Variants in ULK4 observed in about 807,000 individuals in gnomAD.
ULK4 encodes the protein unc-51 like kinase 4.
ULK4 carries 133 observed loss-of-function variants against 160.6 expected under a neutral mutation model. That is an observed-to-expected ratio of 0.83 (90% CI 0.72 to 0.96). The LOEUF (loss-of-function observed/expected upper bound fraction) is 0.96. Ranked by LOEUF, ULK4 falls within the 40% of genes least tolerant of loss-of-function variation. The pLI is 0.00. For missense variants in ULK4, 1,580 were observed against 1,499.5 expected (o/e 1.05, Z -0.89); for synonymous variants, 534 against 539.8 (o/e 0.99, Z 0.15).
At chr3:41,524,250 T>C (rs1484057778) in intron 32 of ULK4, among the ~76,000 whole-genome samples, 1 of 152,216 alleles carries the variant, frequency 6.6e-6, no homozygotes, top group Non-Finnish European at 1.5e-5. Flanking sequence ...GGGTGAACTG[T>C]GTGGTATGTG....
intron 35 of ULK4, among the ~76,000 whole-genome samples, chr3:41,346,208 T>C (rs551563101): frequency 5.4e-4 from 82 of 152,258 alleles, no homozygotes; most frequent in African/African-American, 1.7e-3. Flanking sequence ...TCAGTAAACA[T>C]TGACTGAGCG....
chr3:41,274,343 T>C (rs1000513997), intron 35 of ULK4, among the ~76,000 whole-genome samples: 3 of 152,218 alleles, frequency 2.0e-5, no homozygotes, highest in South Asian at 4.1e-4. Context: ...TGCATGTGCA[T>C]TGGTTTGCCA....
At chr3:41,916,141 A>G (rs1234632602) in intron 7 of ULK4, 89 bp from the exon 8 acceptor site, 3 of 812,728 alleles carry the variant, frequency 3.7e-6, no homozygotes, top group Non-Finnish European at 5.7e-6. Flanking sequence ...ATTTAAAGCA[A>G]TAGTATTTTA....
At chr3:41,760,054 A>G (rs1379006854) in intron 21 of ULK4, among the ~76,000 whole-genome samples, 3 of 152,194 alleles carry the variant, frequency 2.0e-5, no homozygotes, top group Non-Finnish European at 4.4e-5. Flanking sequence ...CTGACAGAAA[A>G]TATTTGTACC....
chr3:41,467,491 C>T (rs2083863991), intron 32 of ULK4, among the ~76,000 whole-genome samples: 1 of 152,150 alleles, frequency 6.6e-6, no homozygotes. Flanking sequence ...TGTGCCACTG[C>T]ACTCCTGCCT....
chr3:41,414,347 T>TAC (rs1181869403), intron 34 of ULK4, among the ~76,000 whole-genome samples: 1 of 152,208 alleles, frequency 6.6e-6, no homozygotes, highest in Non-Finnish European at 1.5e-5. Flanking sequence ...AATACACACA[T>TAC]ACAACTTGGA....
At chr3:41,554,357 G>A (rs1257267124) in intron 32 of ULK4, among the ~76,000 whole-genome samples, 2 of 152,152 alleles carry the variant, frequency 1.3e-5, no homozygotes, top group Non-Finnish European at 2.9e-5. Flanking sequence ...ATACATGATG[G>A]AATACTATTC....
chr3:41,492,673 C>G (rs2084827826), intron 32 of ULK4, among the ~76,000 whole-genome samples: 1 of 151,950 alleles, frequency 6.6e-6, no homozygotes, highest in Non-Finnish European at 1.5e-5. Flanking sequence ...ATGCTGTATT[C>G]AGGAGACCCA....
intron 31 of ULK4, among the ~76,000 whole-genome samples, chr3:41,607,342 A>T (rs1163173576): frequency 6.6e-6 from 1 of 152,124 alleles, no homozygotes; most frequent in Non-Finnish European, 1.5e-5. Flanking sequence ...TAACCTTTTG[A>T]AGGAGAAGTC....
intron 35 of ULK4, among the ~76,000 whole-genome samples, chr3:41,381,457 A>T (rs773700940): frequency 1.3e-5 from 2 of 152,150 alleles, no homozygotes; most frequent in Non-Finnish European, 2.9e-5. Flanking sequence ...CTTAAATGTA[A>T]AATGTTCAAA....
chr3:41,254,253 G>A (rs529639082), intron 35 of ULK4, among the ~76,000 whole-genome samples: 4 of 152,072 alleles, frequency 2.6e-5, no homozygotes, highest in Non-Finnish European at 5.9e-5. Flanking sequence ...GTCATAAAAC[G>A]TATCTTAACA....
intron 35 of ULK4, among the ~76,000 whole-genome samples, chr3:41,347,317 CATAAA>C (rs1390209372): frequency 1.3e-5 from 2 of 152,148 alleles, no homozygotes; most frequent in African/African-American, 2.4e-5. Context: ...GGAAAAAAAT[CATAAA>C]ATAAAGAATT....
chr3:41,583,404 A>G (rs2030535543), intron 31 of ULK4, among the ~76,000 whole-genome samples: 1 of 152,214 alleles, frequency 6.6e-6, no homozygotes, highest in African/African-American at 2.4e-5. Context: ...GGGATTAATA[A>G]GAGATGGATC....
At chr3:41,377,311 G>A (rs1051669493) in intron 35 of ULK4, among the ~76,000 whole-genome samples, 1 of 152,024 alleles carries the variant, frequency 6.6e-6, no homozygotes, top group African/African-American at 2.4e-5. Flanking sequence ...ACATAGGCAT[G>A]GGCAAGGACT....
At chr3:41,787,033 G>A (rs2040017308) in intron 21 of ULK4, among the ~76,000 whole-genome samples, 1 of 152,114 alleles carries the variant, frequency 6.6e-6, no homozygotes, top group Non-Finnish European at 1.5e-5. Context: ...AAAGGACCAA[G>A]AGAGGGGCAG....
intron 19 of ULK4, among the ~76,000 whole-genome samples, chr3:41,813,815 G>C (rs573442127): frequency 4.1e-4 from 62 of 152,318 alleles, no homozygotes; most frequent in African/African-American, 1.4e-3. Context: ...TGGGCAACGT[G>C]TGTGGAACAG....
intron 32 of ULK4, among the ~76,000 whole-genome samples, chr3:41,500,743 A>G (rs896057661): frequency 6.6e-6 from 1 of 152,096 alleles, no homozygotes; most frequent in Non-Finnish European, 1.5e-5. Context: ...GAACCCTGCA[A>G]TCTCCAAACC....
At chr3:41,774,767 T>C (rs2039539262) in intron 21 of ULK4, among the ~76,000 whole-genome samples, 1 of 150,498 alleles carries the variant, frequency 6.6e-6, no homozygotes, top group Non-Finnish European at 1.5e-5. Context: ...TAAAGACACA[T>C]GCACACATAT....
intron 22 of ULK4, among the ~76,000 whole-genome samples, chr3:41,733,057 C>T (rs2037887466): frequency 6.6e-6 from 1 of 151,974 alleles, no homozygotes; most frequent in Non-Finnish European, 1.5e-5. Context: ...GTGACTATTA[C>T]AATATTGTAT....
Sources: gnomAD v4.1 joint callset for allele counts (sites outside exome capture counted in the v4.1 genomes callset) on GRCh38, gnomAD v4.1.1 for gene constraint, MANE v1.5 for transcripts, NCBI Gene and HGNC (gene_info 2026-07-23, HGNC 2026-07-21) for gene names.